Variants in RARRES1 observed in about 807,000 individuals in gnomAD.
The protein encoded by RARRES1 is retinoic acid receptor responder 1.
RARRES1 carries 34 observed loss-of-function variants against 30.6 expected under a neutral mutation model. That is an observed-to-expected ratio of 1.11 (90% CI 0.84 to 1.48). RARRES1 has a LOEUF of 1.48. RARRES1 is among the 40% of genes most tolerant of loss of function. RARRES1 has a pLI of 0.00. For missense variants in RARRES1, 373 were observed against 386.5 expected (o/e 0.97, Z 0.29); for synonymous variants, 153 against 155.5 (o/e 0.98, Z 0.12).
chr3:158,710,389 T>C lies in RARRES1; in HGVS notation c.535+349A>G, dbSNP rs146029820. Among the ~76,000 whole-genome samples the C allele has an allele frequency of 3.6e-3, 545 of 152,154 alleles. 1 individual carries two copies. The highest frequency in any genetic ancestry group is 0.012 in the African/African-American group (496 of 41,518). ...CGCCTGGCTAATTTTTTCTATTTTT[T>C]AGTAGAGACGGGGTTTCACCGTGTT... On this transcript the variant is annotated intron_variant, in intron 3 of 5. Coordinates refer to ENST00000237696, the MANE Select transcript of RARRES1 (RefSeq NM_206963.2).
chr3:158,697,855 A>T, intron 5 of RARRES1, 28 bp from the exon 6 acceptor site: 2 of 1,594,444 alleles, frequency 1.3e-6, no homozygotes, highest in Non-Finnish European at 1.7e-6. Context: ...AAAATATTAT[A>T]ATCTGCAAAA....
chr3:158,704,203 T>G (rs1726830851), intron 4 of RARRES1, among the ~76,000 whole-genome samples: 1 of 146,432 alleles, frequency 6.8e-6, no homozygotes, highest in South Asian at 2.1e-4. Context: ...CCTAGAATAT[T>G]GCAATACTTT....
At chr3:158,707,137 C>A (rs897952725) in intron 3 of RARRES1, among the ~76,000 whole-genome samples, 5 of 152,032 alleles carry the variant, frequency 3.3e-5, no homozygotes, top group African/African-American at 1.2e-4. Flanking sequence ...CCACCACACA[C>A]TGGACAGAGG....
chr3:158,704,836 C>T lies in RARRES1; in HGVS notation c.627G>A (p.Gln209=). 1.2e-6 allele frequency: 2 copies of T among 1,614,084 alleles called. No homozygotes were observed. The highest frequency in any genetic ancestry group is 1.7e-6 in the Non-Finnish European group (2 of 1,180,004). Residue 209 remains glutamine, a synonymous_variant, in exon 4 of 6, where the codon CAG becomes CAA. Coordinates refer to ENST00000237696, the MANE Select transcript of RARRES1 (RefSeq NM_206963.2). ...GCTGTGCCAAGTAGTAGTGTGACACCTGTGTTGTCATTTCCCACATCACGT... is the reference window on the plus strand; with the variant it reads ...GCTGTGCCAAGTAGTAGTGTGACACTTGTGTTGTCATTTCCCACATCACGT... The part of the protein sequence containing the change: ...SSYVMWEMTT[Q]VSHYYLAQLT...
rs1727559468 is a variant in RARRES1 at position 158,722,818 on chromosome 3, C to T, written c.277-8959G>A. Among the ~76,000 whole-genome samples, 3 of 147,654 alleles carry T rather than the reference C, an allele frequency of 2.0e-5. No homozygotes were observed. In the Admixed American group the frequency reaches 2.1e-4, roughly 10 times the overall value. On this transcript the variant is annotated intron_variant, in intron 1 of 5. Transcript: ENST00000237696. The stretch of plus-strand genomic sequence containing the variant: ...AATGGCCTGAACCCGGGAGGTGGAG[C>T]TTGCAGTGAGCCAAGATCGCGCCAC...
At chr3:158,718,229 C>T (rs182404837) in intron 1 of RARRES1, among the ~76,000 whole-genome samples, 66 of 152,236 alleles carry the variant, frequency 4.3e-4, no homozygotes, top group African/African-American at 1.5e-3. Flanking sequence ...CCACCCGCCT[C>T]GGCCTCCCAA....
intron 4 of RARRES1, chr3:158,698,244 C>T (rs1726613732): frequency 1.5e-5 from 6 of 404,504 alleles, no homozygotes; most frequent in Non-Finnish European, 2.7e-5. Context: ...CTTTTAACAA[C>T]CTTAAGGATC....
chr3:158,731,615 A>G (rs1238189766), intron 1 of RARRES1, among the ~76,000 whole-genome samples: 2 of 152,236 alleles, frequency 1.3e-5, no homozygotes, highest in African/African-American at 4.8e-5. Flanking sequence ...AATTCCAACC[A>G]CATTACCCCG....
Position 158,720,233 on chromosome 3 carries a change from G to GGTGTGTGTGTGTGTGTGT in RARRES1, c.277-6392_277-6375dup, listed in dbSNP as rs781535998. On this transcript the variant is annotated intron_variant, in intron 1 of 5. Coordinates refer to ENST00000237696, the MANE Select transcript of RARRES1 (RefSeq NM_206963.2). The stretch of plus-strand genomic sequence containing the variant: ...AAAGGAAGAATAAAAGCTGGCTGCT[G>GGTGTGTGTGTGTGTGTGT]GTGTGTGTGTGTGTGTGTGTGTGTG... Among the ~76,000 whole-genome samples, 520 of 139,250 alleles carry GGTGTGTGTGTGTGTGTGT rather than the reference G, an allele frequency of 3.7e-3. 1 individual carries two copies. The highest frequency in any genetic ancestry group is 7.0e-3 in the African/African-American group (254 of 36,372). The allele number at this position is 139,250 out of a possible 152,430, so 91.4% of individuals were successfully genotyped here.
chr3:158,708,176 A>G (rs1726987975), intron 3 of RARRES1, among the ~76,000 whole-genome samples: 1 of 152,198 alleles, frequency 6.6e-6, no homozygotes, highest in East Asian at 1.9e-4. Flanking sequence ...TATCTTGGAT[A>G]TAAACTTTTT....
At chr3:158,717,981 AT>A (rs10663483) in intron 1 of RARRES1, among the ~76,000 whole-genome samples, 116 of 144,460 alleles carry the variant, frequency 8.0e-4, no homozygotes, top group African/African-American at 1.3e-3. Flanking sequence ...TATTAAGACA[AT>A]TTTTTTTTTT....
chr3:158,725,248 T>A (rs894853213), intron 1 of RARRES1, among the ~76,000 whole-genome samples: 9 of 152,214 alleles, frequency 5.9e-5, no homozygotes, highest in African/African-American at 2.2e-4. Context: ...CTGTGAAACA[T>A]TCTTCAACTG....
rs140272795 is a variant in RARRES1, at chr3:158,712,115, T to C, written c.340-1182A>G. On this transcript the variant is annotated intron_variant, in intron 2 of 5. Transcript: ENST00000237696. The stretch of plus-strand genomic sequence containing the variant: ...CACAGATCAGCACTGGGCCTAGAAT[T>C]TGAGGAAGTTCATGGGCCACTAGTC... 3.6e-3 allele frequency among the ~76,000 whole-genome samples: 543 copies of C among 152,316 alleles called. 1 individual carries two copies. The highest frequency in any genetic ancestry group is 0.012 in the African/African-American group (494 of 41,554).
At chr3:158,700,814 A>C (rs1319305592) in intron 4 of RARRES1, among the ~76,000 whole-genome samples, 1 of 152,180 alleles carries the variant, frequency 6.6e-6, no homozygotes. Context: ...GTAACTCAGC[A>C]CTTAATCTTG....
chr3:158,702,523 A>G (rs1726770706), intron 4 of RARRES1, among the ~76,000 whole-genome samples: 1 of 152,214 alleles, frequency 6.6e-6, no homozygotes. Context: ...TGCAACTGCA[A>G]AAGAAAGGGG....
intron 1 of RARRES1, among the ~76,000 whole-genome samples, chr3:158,720,420 A>G (rs1441827277): frequency 7.0e-6 from 1 of 142,830 alleles, no homozygotes; most frequent in East Asian, 2.1e-4. Context: ...GGGCTCCCGT[A>G]ACAAAGTACC....
At position 158,704,940 on chromosome 3, in the gene RARRES1, A is replaced by G. The variant is rs1353181628; in HGVS notation, c.536-13T>C. 1.3e-6 allele frequency: 2 copies of G among 1,597,040 alleles called. No individual in the cohort carries two copies. Among genetic ancestry groups the G allele is most frequent in the African/African-American group, 2.7e-5 (2 of 74,084 alleles). ...TGTCCATGATTATCTGAGAGAGACA[A>G]AAAAAGCACATTTGTATTAATGCAT... On this transcript the variant is annotated splice_polypyrimidine_tract_variant and intron_variant, in intron 3 of 5. Coordinates refer to ENST00000237696, the MANE Select transcript of RARRES1 (RefSeq NM_206963.2).
intron 1 of RARRES1, among the ~76,000 whole-genome samples, chr3:158,714,163 G>C (rs1727242774): frequency 6.6e-6 from 1 of 152,170 alleles, no homozygotes; most frequent in Non-Finnish European, 1.5e-5. Context: ...GGGAGCTGGA[G>C]GGAATTCCTT....
chr3:158,722,086 CAAAA>C (rs571829700), intron 1 of RARRES1, among the ~76,000 whole-genome samples: 2 of 68,746 alleles, frequency 2.9e-5, no homozygotes, highest in Non-Finnish European at 5.8e-5. Context: ...GAATGAAACT[CAAAA>C]AAAAAAAAAA....
Sources: allele counts gnomAD v4.1 joint callset (sites outside exome capture counted in the v4.1 genomes callset), GRCh38; gene constraint gnomAD v4.1.1; transcripts MANE v1.5; gene names NCBI Gene and HGNC (gene_info 2026-07-23, HGNC 2026-07-21).